Variants in OIT3 observed in about 807,000 individuals in gnomAD.
The protein encoded by OIT3 is oncoprotein induced transcript 3.
OIT3 carries 41 observed loss-of-function variants against 52.2 expected under a neutral mutation model. The observed-to-expected ratio is 0.79, with a 90% CI of 0.61 to 1.02. OIT3 has a LOEUF of 1.02. OIT3 is among the 50% of genes least tolerant of loss of function. OIT3 has a pLI of 0.00. For missense variants in OIT3, 634 were observed against 715.5 expected (o/e 0.89, Z 1.30); for synonymous variants, 244 against 276.9 (o/e 0.88, Z 1.18).
At chr10:72,901,680 C>T (rs751745534) in intron 3 of OIT3, among the ~76,000 whole-genome samples, 18 of 152,066 alleles carry the variant, frequency 1.2e-4, no homozygotes, top group Non-Finnish European at 1.6e-4. Flanking sequence ...GTGGTGTGAT[C>T]TCAGCTCATT....
At chr10:72,918,350 T>C in intron 6 of OIT3, 4 of 768,974 alleles carry the variant, frequency 5.2e-6, no homozygotes, top group Non-Finnish European at 9.4e-6. Context: ...TCATTGCCTC[T>C]GCTTCAACAA....
At chr10:72,915,067 T>A (rs1846061936) in intron 6 of OIT3, among the ~76,000 whole-genome samples, 1 of 152,164 alleles carries the variant, frequency 6.6e-6, no homozygotes, top group Non-Finnish European at 1.5e-5. Context: ...GGTTTCACCA[T>A]GTTGGTCAGG....
chr10:72,924,562 T>A lies in OIT3; in HGVS notation c.1285T>A (p.Leu429Met), dbSNP rs1846152226. Reference protein sequence around the residue: ...GIEPVVHVSGLESLVESCFAT... With the variant: ...GIEPVVHVSGMESLVESCFAT... ...TGAGCCCGTGGTGCACGTGAGCGGC[T>A]TGGAAAGCTTGGTGGAGAGCTGCTT... The change falls in exon 7 of 9, where the codon TTG (leucine) becomes ATG (methionine). Residue 429 changes from leucine to methionine, a missense_variant. Leu to Met is a conservative substitution (Grantham distance 15). Coordinates refer to ENST00000334011, the MANE Select transcript of OIT3 (RefSeq NM_152635.3). 8.7e-6 allele frequency: 14 copies of A among 1,614,132 alleles called. No homozygotes were observed. Among genetic ancestry groups the A allele is most frequent in the Non-Finnish European group, 1.2e-5 (14 of 1,180,028 alleles).
At chr10:72,904,924 T>G (rs1186069405) in intron 3 of OIT3, among the ~76,000 whole-genome samples, 1 of 152,168 alleles carries the variant, frequency 6.6e-6, no homozygotes, top group East Asian at 1.9e-4. Context: ...ACTGAGCATC[T>G]GGGGAGGGCC....
intron 6 of OIT3, chr10:72,917,556 T>A: frequency 1.4e-6 from 1 of 692,606 alleles, no homozygotes; most frequent in East Asian, 2.6e-5. Context: ...CTCTGCATTA[T>A]AAAAGGGACA....
intron 5 of OIT3, 129 bp downstream of exon 5, chr10:72,911,968 T>C: frequency 1.4e-6 from 1 of 701,750 alleles, no homozygotes. Flanking sequence ...TCGAGCAGTG[T>C]GTATTGCTGA....
At chr10:72,917,199 A>G (rs555943241) in intron 6 of OIT3, among the ~76,000 whole-genome samples, 2 of 152,166 alleles carry the variant, frequency 1.3e-5, no homozygotes, top group East Asian at 3.9e-4. Context: ...CTTTTATTGC[A>G]ATTGCTTTTG....
chr10:72,898,531 T>C (rs1263320778), intron 1 of OIT3, 133 bp from the exon 2 acceptor site: 5 of 818,662 alleles, frequency 6.1e-6, no homozygotes, highest in Non-Finnish European at 7.7e-6. Flanking sequence ...AAACAGCTAT[T>C]TTTTGTGACC....
intron 3 of OIT3, among the ~76,000 whole-genome samples, chr10:72,904,364 A>G (rs903513918): frequency 2.6e-5 from 4 of 152,124 alleles, no homozygotes; most frequent in Admixed American, 1.3e-4. Flanking sequence ...GTCCTGCTAC[A>G]GTCCAAGATA....
intron 1 of OIT3, 92 bp downstream of exon 1, chr10:72,893,951 C>T: frequency 1.3e-6 from 1 of 759,534 alleles, no homozygotes; most frequent in African/African-American, 1.8e-5. Flanking sequence ...ATTCCAGTAC[C>T]TTAAATGCTA....
At chr10:72,918,901 T>C (rs1846098294) in intron 6 of OIT3, among the ~76,000 whole-genome samples, 1 of 152,230 alleles carries the variant, frequency 6.6e-6, no homozygotes, top group Admixed American at 6.5e-5. Flanking sequence ...TGAAGTTGGG[T>C]AGCATGATTC....
chr10:72,894,889 AAAAAATAAAAAT>A lies in OIT3; in HGVS notation c.61+1043_61+1054del, dbSNP rs938502304. Reference sequence around the variant, plus strand: ...GGCAACAGAGGGAGACTCCATCTCAAAAAAATAAAAATAAAAATAAAAATGGTGATTTGAGAC... The same window carrying A: ...GGCAACAGAGGGAGACTCCATCTCAAAAAAATAAAAATGGTGATTTGAGAC... On this transcript the variant is annotated intron_variant, in intron 1 of 8. Transcript: ENST00000334011. Among the ~76,000 whole-genome samples the A allele has an allele frequency of 2.0e-5, 3 of 152,246 alleles. No homozygotes were observed. In the East Asian group the frequency reaches 5.8e-4, roughly 29 times the overall value.
Position 72,898,956 on chromosome 10 carries a change from G to A in OIT3, c.354G>A (p.Thr118=), listed in dbSNP as rs765853644. The change falls in exon 2 of 9, where the codon ACG becomes ACA. Residue 118 remains threonine, a synonymous_variant. Coordinates refer to ENST00000334011, the MANE Select transcript of OIT3 (RefSeq NM_152635.3). ...FNGNCCLWNT[T]VEVKACPGGY... The stretch of plus-strand genomic sequence containing the variant: ...GGAACTGCTGTCTCTGGAACACCAC[G>A]GTGGAAGTCAAGGCTTGCCCTGGAG... The A allele has an allele frequency of 2.0e-5, 32 of 1,613,978 alleles. No homozygotes were observed. The highest frequency in any genetic ancestry group is 2.7e-5 in the African/African-American group (2 of 74,890).
chr10:72,905,399 A>T (rs988039046), intron 3 of OIT3, among the ~76,000 whole-genome samples: 7 of 152,066 alleles, frequency 4.6e-5, no homozygotes, highest in Non-Finnish European at 7.4e-5. Flanking sequence ...TGAACCTGGG[A>T]GGCAGGGGTT....
intron 4 of OIT3, among the ~76,000 whole-genome samples, chr10:72,910,309 ATCT>A (rs1846018587): frequency 6.6e-6 from 1 of 152,166 alleles, no homozygotes; most frequent in Non-Finnish European, 1.5e-5. Flanking sequence ...ATTATATATA[ATCT>A]TCAGCCATTT....
rs750430067 is a variant in OIT3, at chr10:72,900,493, C to T, written c.544+9C>T. 1 of 1,495,370 alleles carries T rather than the reference C, an allele frequency of 6.7e-7. No individual in the cohort carries two copies. The highest frequency in any genetic ancestry group is 1.1e-5 in the South Asian group (1 of 88,070). 92.6% of individuals were successfully genotyped at this position (1,495,370 alleles called of 1,614,324 possible). A position where few individuals can be genotyped will look rare whatever the true frequency, so the allele number is the denominator to read the frequency against. The stretch of plus-strand genomic sequence containing the variant: ...CAGGCAGACATGCTTTGGTAAGAAA[C>T]TCATCAAAGGTAGAATCAGGCTATT... On this transcript the variant is annotated intron_variant, in intron 3 of 8. Transcript: ENST00000334011.
intron 6 of OIT3, among the ~76,000 whole-genome samples, chr10:72,915,113 G>T (rs972652044): frequency 6.6e-6 from 1 of 152,090 alleles, no homozygotes; most frequent in Non-Finnish European, 1.5e-5. Flanking sequence ...TGATCCACCG[G>T]CCTCAGACCC....
chr10:72,915,118 A>G (rs1846062272), intron 6 of OIT3, among the ~76,000 whole-genome samples: 2 of 152,158 alleles, frequency 1.3e-5, no homozygotes, highest in Non-Finnish European at 2.9e-5. Flanking sequence ...CACCGGCCTC[A>G]GACCCCCAAA....
chr10:72,899,808 A>T (rs1845915704), intron 2 of OIT3, among the ~76,000 whole-genome samples: 1 of 152,128 alleles, frequency 6.6e-6, no homozygotes, highest in Non-Finnish European at 1.5e-5. Flanking sequence ...TTTAGTGTCC[A>T]CTGATTTTTT....
Sources: gnomAD v4.1 joint callset for allele counts (sites outside exome capture counted in the v4.1 genomes callset) on GRCh38, gnomAD v4.1.1 for gene constraint, MANE v1.5 for transcripts, NCBI Gene and HGNC (gene_info 2026-07-23, HGNC 2026-07-21) for gene names.